SPEF1: variants seen among roughly 807,000 people sequenced by gnomAD.
The protein encoded by SPEF1 is sperm flagellar and cilia associated 1, also known as sperm flagella and cilia-associated protein 1.
A neutral mutation model predicts 31.8 loss-of-function variants in SPEF1; 30 were observed. The observed-to-expected ratio is 0.94, with a 90% CI of 0.70 to 1.28. The LOEUF (loss-of-function observed/expected upper bound fraction) is 1.28. Ranked by LOEUF, SPEF1 falls within the 50% of genes most tolerant of loss-of-function variation. The pLI is 0.00. For missense variants in SPEF1, 298 were observed against 309.6 expected, an observed-to-expected ratio of 0.96 and a Z score of 0.28; for synonymous variants, 126 against 130.1, an observed-to-expected ratio of 0.97 and a Z score of 0.21.
rs1213397647 is a variant in SPEF1, at chr20:3,781,334, C to G, written c.-47G>C. On this transcript the variant is annotated 5_prime_UTR_variant, in exon 1 of 7. Transcript: ENST00000379756. Reference sequence around the variant, plus strand: ...GCCCCAGCGGTGCCGGGTCCCGCCCCAGCCTCACGACCCTTCAGGCGCTTC... The same window carrying G: ...GCCCCAGCGGTGCCGGGTCCCGCCCGAGCCTCACGACCCTTCAGGCGCTTC... The G allele has an allele frequency of 6.3e-7, 1 of 1,591,210 alleles. No individual in the cohort carries two copies. Among genetic ancestry groups the G allele is most frequent in the Non-Finnish European group, 8.5e-7 (1 of 1,169,906 alleles).
rs761324054 is a variant in SPEF1 at position 3,779,262 on chromosome 20, G to A, written c.312C>T (p.Leu104=). ...QCAPGVVELV[L]IPLRQRLEER... is the part of the protein sequence containing the mutation. ...CCTCCAGGCGCTGCCTCAGCGGGAT[G>A]AGCACCAGCTCCACCACGCCTGGGG... The change falls in exon 3 of 7, where the codon CTC becomes CTT. Residue 104 remains leucine (L), a synonymous_variant. Transcript: ENST00000379756. 160 of 1,596,252 alleles carry A rather than the reference G, an allele frequency of 1.0e-4. No individual in the cohort carries two copies. Among genetic ancestry groups the A allele is most frequent in the Non-Finnish European group, 1.3e-4 (148 of 1,170,688 alleles).
At chr20:3,780,544 G>A (rs1050196888) in intron 1 of SPEF1, among the ~76,000 whole-genome samples, 2 of 152,006 alleles carry the variant, frequency 1.3e-5, no homozygotes, top group African/African-American at 4.8e-5. Flanking sequence ...AGGGCAGAAT[G>A]TGTAGACACA....
Position 3,778,403 on chromosome 20 carries a change from C to A in SPEF1, c.603+18G>T, listed in dbSNP as rs770254109. ...GCTGGCCGCGAGCCCCCACCCGCAG[C>A]CTTCCTAGACCCCTCACCTGCACGG... On this transcript the variant is annotated intron_variant, in intron 6 of 6. Transcript: ENST00000379756. 6.2e-7 allele frequency: 1 copy of A among 1,613,894 alleles called. No homozygotes were observed. Among genetic ancestry groups the A allele is most frequent in the Non-Finnish European group, 8.5e-7 (1 of 1,179,862 alleles).
Position 3,778,490 on chromosome 20 carries a change from G to A in SPEF1, c.534C>T (p.Gly178=). 2 of 1,612,758 alleles carry A rather than the reference G, an allele frequency of 1.2e-6. No homozygotes were observed. Among genetic ancestry groups the A allele is most frequent in the Non-Finnish European group, 8.5e-7 (1 of 1,179,798 alleles). ...RPPAYNRALQ[G]DPSFVLQIAE... ...CGATCTGGAGGACGAAGCTGGGGTC[G>A]CCCTGCAACGCCCGGTTATACGCTG... Residue 178 remains glycine (G), a synonymous_variant, in exon 6 of 7, where the codon GGC becomes GGT. Coordinates refer to ENST00000379756, the MANE Select transcript of SPEF1 (RefSeq NM_015417.5).
intron 4 of SPEF1, 49 bp downstream of exon 4, chr20:3,778,902 C>T: frequency 6.2e-7 from 1 of 1,613,482 alleles, no homozygotes; most frequent in Non-Finnish European, 8.5e-7. Flanking sequence ...GGAAGAAGGA[C>T]AGAAGGAAAG....
Position 3,779,717 on chromosome 20 carries a change from A to G in SPEF1, c.168T>C (p.Tyr56=). The G allele has an allele frequency of 6.2e-7, 1 of 1,613,640 alleles. No individual in the cohort carries two copies. Among genetic ancestry groups the G allele is most frequent in the African/African-American group, 1.3e-5 (1 of 74,948 alleles). ...YFPKMVEMHN[Y]VPANSLQQKL... ...TCTGCTGGAGAGAGTTGGCGGGGAC[A>G]TAATTGTGCATCTCCACCATCTTGG... Residue 56 remains tyrosine, a synonymous_variant, in exon 2 of 7, where the codon TAT becomes TAC. Coordinates refer to ENST00000379756, the MANE Select transcript of SPEF1 (RefSeq NM_015417.5).
At chr20:3,779,868 G>T in intron 1 of SPEF1, 93 bp from the exon 2 acceptor site, 1 of 574,772 alleles carries the variant, frequency 1.7e-6, no homozygotes, top group Non-Finnish European at 3.2e-6. Flanking sequence ...AGGCATGGCA[G>T]AGTGGTGGAA....
At chr20:3,779,604 G>T in intron 2 of SPEF1, 60 bp downstream of exon 2, 1 of 1,288,970 alleles carries the variant, frequency 7.8e-7, no homozygotes. Flanking sequence ...CACCAAAACA[G>T]TCTCAGCCTG....
Position 3,779,356 on chromosome 20 carries a change from AG to A in SPEF1, c.222-5del. 2 of 1,587,846 alleles carry A rather than the reference AG, an allele frequency of 1.3e-6. No individual in the cohort carries two copies. Among genetic ancestry groups the A allele is most frequent in the Admixed American group, 3.4e-5 (2 of 58,152 alleles). ...GTTCAGCCTCTTCAGTACCTTCCTGAGGGGTAGACATTGGGATAGCAGATTG... is the reference window on the plus strand; with the variant it reads ...GTTCAGCCTCTTCAGTACCTTCCTGAGGGTAGACATTGGGATAGCAGATTG... On this transcript the variant is annotated splice_region_variant and splice_polypyrimidine_tract_variant and intron_variant, in intron 2 of 6. Transcript: ENST00000379756.
chr20:3,779,406 G>T (rs1170074652), intron 2 of SPEF1, 54 bp from the exon 3 acceptor site: 2 of 1,479,080 alleles, frequency 1.4e-6, no homozygotes, highest in Non-Finnish European at 1.9e-6. Flanking sequence ...TGAAGCGAGG[G>T]GATGGGGGAG....
chr20:3,778,107 A>C lies in SPEF1; in HGVS notation c.*105T>G, dbSNP rs2146634629. On this transcript the variant is annotated 3_prime_UTR_variant, in exon 7 of 7. Transcript: ENST00000379756. Reference sequence around the variant, plus strand: ...CGGGCCCCAGCAGGCTCGTGAGAGCAGCGGGCTCCGCCCTCCCAATGGTCT... The same window carrying C: ...CGGGCCCCAGCAGGCTCGTGAGAGCCGCGGGCTCCGCCCTCCCAATGGTCT... 6 of 817,310 alleles carry C rather than the reference A, an allele frequency of 7.3e-6. No individual in the cohort carries two copies. The South Asian group carries it at 1.1e-4, about 15-fold the overall frequency. 50.6% of individuals were successfully genotyped at this position (817,310 alleles called of 1,614,324 possible).
intron 3 of SPEF1, 79 bp downstream of exon 3, chr20:3,779,117 A>T: frequency 6.4e-7 from 1 of 1,552,510 alleles, no homozygotes; most frequent in Non-Finnish European, 8.7e-7. Flanking sequence ...CTTATCACCC[A>T]GGCTGGCCTT....
chr20:3,779,437 T>G, intron 2 of SPEF1, 85 bp from the exon 3 acceptor site: 137 of 1,230,714 alleles, frequency 1.1e-4, no homozygotes, highest in Middle Eastern at 4.6e-4. Flanking sequence ...GCATGGTGGT[T>G]GCTGTTCTGA....
chr20:3,779,387 C>T, intron 2 of SPEF1, 35 bp from the exon 3 acceptor site: 1 of 1,557,988 alleles, frequency 6.4e-7, no homozygotes, highest in African/African-American at 1.3e-5. Context: ...AGATTGGGTC[C>T]TGGGGAAATG....
At chr20:3,780,975 T>C (rs1223719794) in intron 1 of SPEF1, among the ~76,000 whole-genome samples, 1 of 152,110 alleles carries the variant, frequency 6.6e-6, no homozygotes, top group Non-Finnish European at 1.5e-5. Context: ...GCACACAGGA[T>C]AGAACATGTA....
chr20:3,781,316 C>G lies in SPEF1; in HGVS notation c.-29G>C, dbSNP rs1234520133. Reference sequence around the variant, plus strand: ...CGTCCTCACGGCCTGGCCGCCCCAGCGGTGCCGGGTCCCGCCCCAGCCTCA... The same window carrying G: ...CGTCCTCACGGCCTGGCCGCCCCAGGGGTGCCGGGTCCCGCCCCAGCCTCA... On this transcript the variant is annotated 5_prime_UTR_variant, in exon 1 of 7. Coordinates refer to ENST00000379756, the MANE Select transcript of SPEF1 (RefSeq NM_015417.5). 4 of 1,605,682 alleles carry G rather than the reference C, an allele frequency of 2.5e-6. No homozygotes were observed. The highest frequency in any genetic ancestry group is 1.7e-5 in the Admixed American group (1 of 58,966).
intron 3 of SPEF1, 101 bp downstream of exon 3, chr20:3,779,095 C>T: frequency 6.3e-7 from 1 of 1,579,768 alleles, no homozygotes; most frequent in Non-Finnish European, 8.6e-7. Context: ...AGCCAAGCAC[C>T]CCTCCCCCAC....
chr20:3,778,176 G>C lies in SPEF1; in HGVS notation c.*36C>G. On this transcript the variant is annotated 3_prime_UTR_variant, in exon 7 of 7. Coordinates refer to ENST00000379756, the MANE Select transcript of SPEF1 (RefSeq NM_015417.5). ...CCGGCGCGGCGTCGGGGCTCTGGCG[G>C]GTACCCGGGCGTCCCCGCGCGGCCC... 6.9e-7 allele frequency: 1 copy of C among 1,441,444 alleles called. No individual in the cohort carries two copies. The allele number at this position is 1,441,444 out of a possible 1,614,324, so 89.3% of individuals were successfully genotyped here. A position where few individuals can be genotyped will look rare whatever the true frequency, so the allele number is the denominator to read the frequency against.
At position 3,778,038 on chromosome 20, in the gene SPEF1, C is replaced by T. The variant is rs1358838219; in HGVS notation, c.*174G>A. The T allele has an allele frequency of 5.2e-6, 3 of 580,564 alleles. No homozygotes were observed. The highest frequency in any genetic ancestry group is 3.9e-5 in the African/African-American group (2 of 51,928). The allele number at this position is 580,564 out of a possible 1,614,324, so 36.0% of individuals were successfully genotyped here. A position where few individuals can be genotyped will look rare whatever the true frequency, so the allele number is the denominator to read the frequency against. ...GGGCCTGCGCTCCTAGAGTTCCTGT[C>T]CCATCTCCTCCCACGCTCACCCATC... On this transcript the variant is annotated 3_prime_UTR_variant, in exon 7 of 7. Coordinates refer to ENST00000379756, the MANE Select transcript of SPEF1 (RefSeq NM_015417.5).
Sources: allele counts gnomAD v4.1 joint callset (sites outside exome capture counted in the v4.1 genomes callset), GRCh38; gene constraint gnomAD v4.1.1; transcripts MANE v1.5; gene names NCBI Gene and HGNC (gene_info 2026-07-23, HGNC 2026-07-21).